The following NUBPL variants were observed in gnomAD, a reference collection of about 807,000 sequenced individuals.
NUBPL encodes iron-sulfur cluster transfer protein NUBPL.
NUBPL carries 31 observed loss-of-function variants against 45.7 expected under a neutral mutation model. That is an observed-to-expected ratio of 0.68 (90% CI 0.51 to 0.92). NUBPL has a LOEUF of 0.92. Among genes scored for constraint, NUBPL ranks in the 40% least tolerant of loss-of-function variants. NUBPL has a pLI of 0.00. For missense variants in NUBPL, 401 were observed against 398.7 expected, an observed-to-expected ratio of 1.01 and a Z score of -0.05; for synonymous variants, 144 against 140.9, an observed-to-expected ratio of 1.02 and a Z score of -0.15.
chr14:31,632,072 C>G (rs1272089409), intron 4 of NUBPL, among the ~76,000 whole-genome samples: 1 of 152,164 alleles, frequency 6.6e-6, no homozygotes, highest in Non-Finnish European at 1.5e-5. Context: ...CTAGATTAAT[C>G]TCAATCTCAT....
intron 4 of NUBPL, among the ~76,000 whole-genome samples, chr14:31,602,302 A>G (rs1019494645): frequency 1.3e-5 from 2 of 151,912 alleles, no homozygotes; most frequent in African/African-American, 4.8e-5. Context: ...TGACAAGTCA[A>G]TGGGTGCAGC....
intron 6 of NUBPL, among the ~76,000 whole-genome samples, chr14:31,712,306 C>T (rs1014611599): frequency 1.3e-5 from 2 of 152,258 alleles, no homozygotes; most frequent in African/African-American, 2.4e-5. Context: ...ACCCAGAAGC[C>T]CAGATGGCTT....
At chr14:31,608,797 C>A (rs1035187791) in intron 4 of NUBPL, among the ~76,000 whole-genome samples, 3 of 152,178 alleles carry the variant, frequency 2.0e-5, no homozygotes, top group African/African-American at 7.2e-5. Context: ...CTGCTACTCA[C>A]CTCCTGCTGT....
chr14:31,691,719 G>A (rs925301480), intron 6 of NUBPL, among the ~76,000 whole-genome samples: 3 of 152,198 alleles, frequency 2.0e-5, no homozygotes, highest in Non-Finnish European at 4.4e-5. Context: ...GAACATTAGA[G>A]TAGGAGGTGG....
At chr14:31,726,909 A>G (rs2037938450) in intron 6 of NUBPL, among the ~76,000 whole-genome samples, 1 of 152,058 alleles carries the variant, frequency 6.6e-6, no homozygotes, top group South Asian at 2.1e-4. Context: ...ACATTGTAGG[A>G]TTTTAGCAGC....
At chr14:31,821,567 A>T (rs959890207) in intron 7 of NUBPL, among the ~76,000 whole-genome samples, 1 of 152,230 alleles carries the variant, frequency 6.6e-6, no homozygotes, top group East Asian at 1.9e-4. Context: ...GGAAAAGGGG[A>T]CCCTTGTCAC....
intron 4 of NUBPL, 128 bp downstream of exon 4, chr14:31,599,507 A>G (rs1333507739): frequency 1.6e-5 from 11 of 667,386 alleles, no homozygotes; most frequent in Non-Finnish European, 2.8e-5. Flanking sequence ...CACTTAAGTT[A>G]GTAGATTCTT....
intron 6 of NUBPL, among the ~76,000 whole-genome samples, chr14:31,780,835 A>T (rs746389518): frequency 6.6e-6 from 1 of 152,210 alleles, no homozygotes; most frequent in Non-Finnish European, 1.5e-5. Context: ...TCACATCATG[A>T]CATATACCCC....
intron 6 of NUBPL, among the ~76,000 whole-genome samples, chr14:31,735,053 G>A (rs4981123): frequency 0.37 from 55,878 of 151,862 alleles, 12,632 homozygotes; most frequent in East Asian, 0.6. Context: ...GTACTAGAAG[G>A]TGTTTAGTAG....
At chr14:31,652,445 G>A (rs2036032331) in intron 4 of NUBPL, among the ~76,000 whole-genome samples, 1 of 152,122 alleles carries the variant, frequency 6.6e-6, no homozygotes, top group South Asian at 2.1e-4. Context: ...TACATTTTAA[G>A]TGTTCTCACC....
intron 7 of NUBPL, among the ~76,000 whole-genome samples, chr14:31,789,638 T>A (rs1053705732): frequency 1.3e-5 from 2 of 152,130 alleles, no homozygotes; most frequent in Non-Finnish European, 2.9e-5. Flanking sequence ...TTTTAAAGTA[T>A]CTTTGCTAAT....
intron 7 of NUBPL, among the ~76,000 whole-genome samples, chr14:31,819,827 C>T (rs899694927): frequency 6.6e-6 from 1 of 152,046 alleles, no homozygotes; most frequent in Non-Finnish European, 1.5e-5. Context: ...TAGACTTAGA[C>T]ATTTACTTTA....
At chr14:31,847,628 G>A (rs2040474199) in intron 9 of NUBPL, among the ~76,000 whole-genome samples, 1 of 152,210 alleles carries the variant, frequency 6.6e-6, no homozygotes, top group African/African-American at 2.4e-5. Context: ...GCCAAAGGCA[G>A]GTGTTAGATG....
At chr14:31,857,135 A>G (rs999779736) in intron 10 of NUBPL, among the ~76,000 whole-genome samples, 1 of 152,160 alleles carries the variant, frequency 6.6e-6, no homozygotes, top group African/African-American at 2.4e-5. Context: ...CCAAACCTCA[A>G]TTCTTGATTT....
rs147701703 is a variant in NUBPL, at chr14:31,575,080, A to G, written c.291+10032A>G. Among the ~76,000 whole-genome samples, 905 of 152,224 alleles carry G rather than the reference A, an allele frequency of 5.9e-3. 8 individuals are homozygous for G. Among genetic ancestry groups the G allele is most frequent in the Non-Finnish European group, 8.7e-3 (594 of 68,018 alleles). On this transcript the variant is annotated intron_variant, in intron 3 of 10. Transcript: ENST00000281081. ...GCATTTATTTTTTTCTCATGATTAC[A>G]TAATGTCTTAACACTTATTCTTCCT...
rs554979635 is a variant in NUBPL, at chr14:31,565,074, A to G, written c.291+26A>G. 11 of 1,382,356 alleles carry G rather than the reference A, an allele frequency of 8.0e-6. No homozygotes were observed. The African/African-American group carries it at 1.4e-4, about 18-fold the overall frequency. 85.6% of individuals were successfully genotyped at this position (1,382,356 alleles called of 1,614,324 possible). A position where few individuals can be genotyped will look rare whatever the true frequency, so the allele number is the denominator to read the frequency against. On this transcript the variant is annotated intron_variant, in intron 3 of 10. Transcript: ENST00000281081. Reference sequence around the variant, plus strand: ...GTAGGTGTTTATTAATAGAAATATTAATTTATTAAAATGTTTTTAAGGCAA... The same window carrying G: ...GTAGGTGTTTATTAATAGAAATATTGATTTATTAAAATGTTTTTAAGGCAA...
At chr14:31,674,918 C>G (rs569488706) in intron 6 of NUBPL, among the ~76,000 whole-genome samples, 1 of 151,990 alleles carries the variant, frequency 6.6e-6, no homozygotes, top group Admixed American at 6.6e-5. Flanking sequence ...GGGCGGATCA[C>G]GAGGTCAGGA....
At chr14:31,755,663 A>G (rs1042579000) in intron 6 of NUBPL, among the ~76,000 whole-genome samples, 2 of 152,158 alleles carry the variant, frequency 1.3e-5, no homozygotes, top group Admixed American at 6.5e-5. Context: ...GTTCACTCTA[A>G]TGGTAGTTTC....
rs1166940519 is a variant in NUBPL at position 31,567,751 on chromosome 14, T to G, written c.291+2703T>G. Among the ~76,000 whole-genome samples, 4 of 152,354 alleles carry G rather than the reference T, an allele frequency of 2.6e-5. No homozygotes were observed. The South Asian group carries it at 6.2e-4, about 24-fold the overall frequency. The stretch of plus-strand genomic sequence containing the variant: ...ACCTCTGCTTACTTAGGATGGTTCT[T>G]GTAATGTGGCTGTTGACCAGCAGAA... On this transcript the variant is annotated intron_variant, in intron 3 of 10. Coordinates refer to ENST00000281081, the MANE Select transcript of NUBPL (RefSeq NM_025152.3).
Sources: allele counts gnomAD v4.1 joint callset (sites outside exome capture counted in the v4.1 genomes callset), GRCh38; gene constraint gnomAD v4.1.1; transcripts MANE v1.5; gene names NCBI Gene and HGNC (gene_info 2026-07-23, HGNC 2026-07-21).